The following ZNF678 variants were observed in gnomAD, a reference collection of about 807,000 sequenced individuals.
ZNF678 encodes the protein hypothetical protein MGC42493.
Under a neutral mutation model 3.0 loss-of-function variants are expected in ZNF678, and 5 were observed. That is an observed-to-expected ratio of 1.69 (90% CI 0.88 to 3.56). The LOEUF (loss-of-function observed/expected upper bound fraction) is 3.56, where lower values mean the gene tolerates loss of function less well. Among genes scored for constraint, ZNF678 ranks in the 30% most tolerant of loss-of-function variants. The pLI is 0.00. For synonymous variants in ZNF678, 218 were observed against 199.6 expected (o/e 1.09, Z -0.78); for missense variants, 593 against 605.0 (o/e 0.98, Z 0.21).
At chr1:227,572,598 C>T (rs185301945) in intron 1 of ZNF678, among the ~76,000 whole-genome samples, 8 of 152,290 alleles carry the variant, frequency 5.3e-5, no homozygotes, top group South Asian at 4.1e-4. Flanking sequence ...ATCATCATCC[C>T]GGTACCCAGG....
chr1:227,592,090 A>C (rs1298628857), intron 1 of ZNF678, among the ~76,000 whole-genome samples: 1 of 152,176 alleles, frequency 6.6e-6, no homozygotes, highest in Non-Finnish European at 1.5e-5. Flanking sequence ...GGCCCACTAG[A>C]ATAAACTGAG....
chr1:227,642,474 C>T (rs1393109711), intron 1 of ZNF678, among the ~76,000 whole-genome samples: 4 of 152,152 alleles, frequency 2.6e-5, no homozygotes, highest in Non-Finnish European at 2.9e-5. Context: ...AACTACACCT[C>T]ACATGTGAAC....
In ZNF678 at chr1:227,592,988, A is replaced by G. The variant is rs181391870; in HGVS notation, c.-164+29264A>G. On this transcript the variant is annotated intron_variant, in intron 1 of 3. Coordinates refer to ENST00000343776, the MANE Select transcript of ZNF678 (RefSeq NM_001367909.1). The stretch of plus-strand genomic sequence containing the variant: ...TCACATCCCTTCAGGTCTCCAAGGA[A>G]TGGTAAGTTTTCTCCTTGTCGTGAG... Among the ~76,000 whole-genome samples the G allele has an allele frequency of 2.6e-5, 4 of 152,320 alleles. No homozygotes were observed. In the East Asian group the frequency reaches 5.8e-4, roughly 22 times the overall value.
chr1:227,659,823 A>G lies in ZNF678; in HGVS notation c.*3995A>G, dbSNP rs1659352796. 1 of 152,046 alleles carries G rather than the reference A, an allele frequency of 6.6e-6. No homozygotes were observed. The allele number at this position is 152,046 out of a possible 1,614,324, so 9.4% of individuals were successfully genotyped here. Reference sequence around the variant, plus strand: ...AATGCTTAATTCTAGCCAATTAAAAATGCTTTACCTCAATAGTTATTTTTA... The same window carrying G: ...AATGCTTAATTCTAGCCAATTAAAAGTGCTTTACCTCAATAGTTATTTTTA... On this transcript the variant is annotated 3_prime_UTR_variant, in exon 4 of 4. Coordinates refer to ENST00000343776, the MANE Select transcript of ZNF678 (RefSeq NM_001367909.1).
At chr1:227,678,984 G>C (rs886904484), downstream of ZNF678, among the ~76,000 whole-genome samples, 1 of 152,050 alleles carries the variant, frequency 6.6e-6, no homozygotes, top group Admixed American at 6.5e-5. Context: ...TGTGTGAGGG[G>C]ACTAGCACAA....
chr1:227,655,561 A>G lies in ZNF678; in HGVS notation c.1311A>G (p.Glu437=). The change falls in exon 4 of 4, where the codon GAA becomes GAG. Residue 437 remains glutamate (E), a synonymous_variant. Coordinates refer to ENST00000343776, the MANE Select transcript of ZNF678 (RefSeq NM_001367909.1). ...GAGAGAAACCCTACAAATGTAAAGA[A>G]TGTGGCAAAGCTTTTTACCAATCCT... is the stretch of plus-strand genomic sequence containing the variant. The part of the protein sequence containing the change: ...HTGEKPYKCK[E]CGKAFYQSSI... 7 of 1,612,592 alleles carry G rather than the reference A, an allele frequency of 4.3e-6. No individual in the cohort carries two copies. Among genetic ancestry groups the G allele is most frequent in the Non-Finnish European group, 5.9e-6 (7 of 1,179,300 alleles).
chr1:227,654,664 A>C lies in ZNF678; in HGVS notation c.414A>C (p.Ser138=). The part of the protein sequence containing the change: ...EECGKVFNRC[S]NLTKHKRIHT... Reference sequence around the variant, plus strand: ...GTGGCAAAGTTTTCAATCGATGTTCAAACCTAACAAAACATAAAAGAATTC... The same window carrying C: ...GTGGCAAAGTTTTCAATCGATGTTCCAACCTAACAAAACATAAAAGAATTC... The change falls in exon 4 of 4, where the codon TCA becomes TCC. Residue 138 remains serine (S), a synonymous_variant. Coordinates refer to ENST00000343776, the MANE Select transcript of ZNF678 (RefSeq NM_001367909.1). The C allele has an allele frequency of 6.2e-7, 1 of 1,613,260 alleles. No homozygotes were observed. Among genetic ancestry groups the C allele is most frequent in the Non-Finnish European group, 8.5e-7 (1 of 1,179,520 alleles).
At chr1:227,605,103 C>G (rs2102753901) in intron 1 of ZNF678, among the ~76,000 whole-genome samples, 1 of 152,298 alleles carries the variant, frequency 6.6e-6, no homozygotes, top group African/African-American at 2.4e-5. Context: ...GATCCGCCCG[C>G]CTCGGCCTCC....
At chr1:227,673,332 C>T (rs916808358) in intron 5 of ZNF678, among the ~76,000 whole-genome samples, 8 of 152,200 alleles carry the variant, frequency 5.3e-5, no homozygotes, top group African/African-American at 1.4e-4. Context: ...TATCTCCTGT[C>T]TTAGATGACG....
chr1:227,614,891 T>A (rs1005024098), intron 1 of ZNF678, among the ~76,000 whole-genome samples: 1 of 152,212 alleles, frequency 6.6e-6, no homozygotes, highest in Non-Finnish European at 1.5e-5. Context: ...CAGCAAAACC[T>A]TTACTTGTGT....
At chr1:227,623,635 A>G (rs550225629) in intron 1 of ZNF678, among the ~76,000 whole-genome samples, 107 of 152,294 alleles carry the variant, frequency 7.0e-4, no homozygotes, top group African/African-American at 2.5e-3. Context: ...AATATTTTAT[A>G]CTAAAATTAT....
intron 1 of ZNF678, among the ~76,000 whole-genome samples, chr1:227,608,432 A>G (rs1657932305): frequency 6.6e-6 from 1 of 152,194 alleles, no homozygotes; most frequent in South Asian, 2.1e-4. Flanking sequence ...TATTCAACAC[A>G]TAAAATTATT....
chr1:227,622,959 A>T (rs1658316872), intron 1 of ZNF678, among the ~76,000 whole-genome samples: 1 of 152,204 alleles, frequency 6.6e-6, no homozygotes, highest in Non-Finnish European at 1.5e-5. Flanking sequence ...GCAATGAGGG[A>T]ACCTCCAGGC....
At chr1:227,565,366 T>C (rs1656650188) in intron 1 of ZNF678, among the ~76,000 whole-genome samples, 1 of 152,132 alleles carries the variant, frequency 6.6e-6, no homozygotes, top group Non-Finnish European at 1.5e-5. Context: ...GCCTGACTTG[T>C]TGTTTTTAAG....
chr1:227,651,093 A>T lies in ZNF678; in HGVS notation c.85+17A>T. The T allele has an allele frequency of 1.2e-6, 2 of 1,611,526 alleles. No homozygotes were observed. Among genetic ancestry groups the T allele is most frequent in the Non-Finnish European group, 1.7e-6 (2 of 1,178,608 alleles). On this transcript the variant is annotated intron_variant, in intron 3 of 3. Coordinates refer to ENST00000343776, the MANE Select transcript of ZNF678 (RefSeq NM_001367909.1). ...TTTATACAGGTAAAGATTTTATCCTATTGGGTCTCCAGGCTGATGAGATCT... is the reference window on the plus strand; with the variant it reads ...TTTATACAGGTAAAGATTTTATCCTTTTGGGTCTCCAGGCTGATGAGATCT...
chr1:227,643,910 C>G (rs1474945532), intron 1 of ZNF678, among the ~76,000 whole-genome samples: 1 of 135,824 alleles, frequency 7.4e-6, no homozygotes, highest in Non-Finnish European at 1.5e-5. Context: ...GTCACCCAGG[C>G]TGGAGTGCAG....
intron 1 of ZNF678, among the ~76,000 whole-genome samples, chr1:227,618,480 A>C (rs1478244453): frequency 6.6e-6 from 1 of 152,170 alleles, no homozygotes; most frequent in African/African-American, 2.4e-5. Context: ...TCAAGCTTTC[A>C]TCTTATTTTC....
At chr1:227,674,570 A>T (rs1273248139) in intron 5 of ZNF678, among the ~76,000 whole-genome samples, 2 of 151,454 alleles carry the variant, frequency 1.3e-5, no homozygotes, top group African/African-American at 4.9e-5. Context: ...AAAAAAAATC[A>T]TAGTGATATT....
intron 1 of ZNF678, among the ~76,000 whole-genome samples, chr1:227,608,887 A>G (rs1236115837): frequency 6.6e-6 from 1 of 152,190 alleles, no homozygotes; most frequent in Non-Finnish European, 1.5e-5. Flanking sequence ...TCAAACCTGT[A>G]TGAGTCCTCA....
Sources: allele counts gnomAD v4.1 joint callset (sites outside exome capture counted in the v4.1 genomes callset), GRCh38; gene constraint gnomAD v4.1.1; transcripts MANE v1.5; gene names NCBI Gene and HGNC (gene_info 2026-07-23, HGNC 2026-07-21).